The following HECTD4 variants were observed in gnomAD, a reference collection of about 807,000 sequenced individuals.
HECTD4 encodes probable E3 ubiquitin-protein ligase HECTD4.
In HECTD4, 114 loss-of-function variants were observed where a neutral mutation model predicts 471.5. The observed-to-expected ratio is 0.24, with a 90% confidence interval of 0.21 to 0.28. HECTD4 has a LOEUF of 0.28. HECTD4 is among the 10% of genes least tolerant of loss of function. The probability of loss-of-function intolerance (pLI) is 1.00; values close to 1 mark genes in which losing one functional copy is unlikely to be tolerated. For synonymous variants in HECTD4, 2,012 were observed against 2,256.0 expected (o/e 0.89, Z 3.07); for missense variants, 3,866 against 5,651.5 (o/e 0.68, Z 10.13).
intron 72 of HECTD4, among the ~76,000 whole-genome samples, chr12:112,165,633 G>A (rs183466185): frequency 3.9e-5 from 6 of 152,312 alleles, no homozygotes; most frequent in Admixed American, 2.0e-4. Context: ...TTACAGGCGT[G>A]AGCCACCGCG....
At chr12:112,367,836 A>AC (rs2036595882) in intron 1 of HECTD4, among the ~76,000 whole-genome samples, 1 of 149,700 alleles carries the variant, frequency 6.7e-6, no homozygotes, top group Non-Finnish European at 1.5e-5. Flanking sequence ...AAAAAAAAAA[A>AC]AAAAAAAAAA....
intron 2 of HECTD4, among the ~76,000 whole-genome samples, chr12:112,315,583 T>G (rs898175492): frequency 6.6e-6 from 1 of 152,224 alleles, no homozygotes; most frequent in African/African-American, 2.4e-5. Flanking sequence ...TATGGATTTT[T>G]GCTTCTTCAT....
Position 112,319,053 on chromosome 12 carries a change from T to C in HECTD4, c.695+172A>G, listed in dbSNP as rs1470211882. Among the ~76,000 whole-genome samples the C allele has an allele frequency of 6.6e-6, 1 of 152,158 alleles. No homozygotes were observed. The highest frequency in any genetic ancestry group is 1.5e-5 in the Non-Finnish European group (1 of 68,024). On this transcript the variant is annotated intron_variant, in intron 2 of 75. Transcript: ENST00000682272. The surrounding 1 kb of genome is among the most constrained non-coding windows in gnomAD (Gnocchi z 5.3). The stretch of plus-strand genomic sequence containing the variant: ...TCCAACTCAGGCACCTGGTGCCAAG[T>C]TTGGTGAAAGCATCTCATGCACTGT...
Position 112,193,289 on chromosome 12 carries a change from T to A in HECTD4, c.8956-98A>T. On this transcript the variant is annotated intron_variant, in intron 57 of 75. Transcript: ENST00000682272. This position sits in a 1 kb window ranked among gnomAD's most constrained non-coding sequence, Gnocchi z 5.2. ...TGGCCCAGGAAATCAGCCAAACGAC[T>A]AAATAGCCCTCTGGAAGGAAGCAAG... The A allele has an allele frequency of 1.4e-6, 2 of 1,470,334 alleles. No individual in the cohort carries two copies. Among genetic ancestry groups the A allele is most frequent in the Non-Finnish European group, 1.9e-6 (2 of 1,079,902 alleles). 91.1% of individuals were successfully genotyped at this position (1,470,334 alleles called of 1,614,324 possible). A position where few individuals can be genotyped will look rare whatever the true frequency, so the allele number is the denominator to read the frequency against.
At chr12:112,344,416 C>T (rs1450335789) in intron 1 of HECTD4, among the ~76,000 whole-genome samples, 3 of 152,042 alleles carry the variant, frequency 2.0e-5, no homozygotes, top group African/African-American at 4.8e-5. Context: ...CCTGGTAAAC[C>T]GCCACACTAT....
At chr12:112,210,968 A>C (rs1219827712) in intron 49 of HECTD4, among the ~76,000 whole-genome samples, 1 of 152,254 alleles carries the variant, frequency 6.6e-6, no homozygotes, top group Non-Finnish European at 1.5e-5. Context: ...GGCATCATTA[A>C]TTCACTCAAC....
At chr12:112,272,925 C>G (rs535538267) in intron 11 of HECTD4, among the ~76,000 whole-genome samples, 23 of 152,338 alleles carry the variant, frequency 1.5e-4, no homozygotes, top group African/African-American at 5.1e-4. Flanking sequence ...AATTACTGTG[C>G]TGACCAAGCT....
In HECTD4 at chr12:112,163,534, A is replaced by T; in HGVS notation, c.12897+8T>A. ...CCTCCCCGCCCAGCCTGGCCCTGGG[A>T]TGTCTACCTTGAGGAACTCGAGGTT... On this transcript the variant is annotated splice_region_variant and intron_variant, in intron 74 of 75. Transcript: ENST00000682272. The surrounding 1 kb of genome is among the most constrained non-coding windows in gnomAD (Gnocchi z 8.2). 1 of 1,456,958 alleles carries T rather than the reference A, an allele frequency of 6.9e-7. No homozygotes were observed. Among genetic ancestry groups the T allele is most frequent in the Non-Finnish European group, 9.1e-7 (1 of 1,100,944 alleles). The allele number at this position is 1,456,958 out of a possible 1,614,324, so 90.3% of individuals were successfully genotyped here. A position where few individuals can be genotyped will look rare whatever the true frequency, so the allele number is the denominator to read the frequency against.
intron 1 of HECTD4, among the ~76,000 whole-genome samples, chr12:112,368,584 T>G (rs2036611027): frequency 6.6e-6 from 1 of 152,192 alleles, no homozygotes; most frequent in African/African-American, 2.4e-5. Flanking sequence ...AAATTATATC[T>G]TTAAATCTTA....
At chr12:112,339,163 A>G (rs1387250377) in intron 1 of HECTD4, among the ~76,000 whole-genome samples, 2 of 152,086 alleles carry the variant, frequency 1.3e-5, no homozygotes, top group Admixed American at 1.3e-4. Context: ...TATAATATCA[A>G]AAAGTGGAAA....
At chr12:112,314,840 A>C (rs1453955317) in intron 2 of HECTD4, among the ~76,000 whole-genome samples, 1 of 152,222 alleles carries the variant, frequency 6.6e-6, no homozygotes, top group Non-Finnish European at 1.5e-5. Context: ...GCTCGAGCAC[A>C]AAGAACTTGT....
intron 48 of HECTD4, among the ~76,000 whole-genome samples, chr12:112,214,644 T>C (rs1018637744): frequency 2.0e-5 from 3 of 152,088 alleles, no homozygotes; most frequent in African/African-American, 7.2e-5. Flanking sequence ...CCACAACTGA[T>C]AAAACAACAA....
At chr12:112,329,890 T>C (rs1041381178) in intron 1 of HECTD4, among the ~76,000 whole-genome samples, 3 of 152,102 alleles carry the variant, frequency 2.0e-5, no homozygotes, top group East Asian at 1.9e-4. Flanking sequence ...GTAGGATCGA[T>C]TGCTTGAGCC....
intron 43 of HECTD4, 90 bp from the exon 44 acceptor site, chr12:112,226,848 C>A: frequency 1.1e-6 from 1 of 938,536 alleles, no homozygotes; most frequent in South Asian, 1.8e-5. Flanking sequence ...ATCAATTTTG[C>A]CCCCCAGTTT....
At position 112,164,176 on chromosome 12, in the gene HECTD4, A is replaced by C. The variant is rs753815884; in HGVS notation, c.12634T>G (p.Phe4212Val). 6.2e-7 allele frequency: 1 copy of C among 1,613,642 alleles called. No homozygotes were observed. Among genetic ancestry groups the C allele is most frequent in the Non-Finnish European group, 8.5e-7 (1 of 1,179,832 alleles). ...PDSPNKPCCR[F>V]TYLTMTGEEV... ...TCGCCCGTCATGGTCAGGTAGGTGA[A>C]CCTGCAGCAGGGCTTGTTGGGGCTG... The change falls in exon 73 of 76, where the codon TTC (phenylalanine) becomes GTC (valine). Residue 4212 changes from phenylalanine to valine, a missense_variant. Coordinates refer to ENST00000682272, the MANE Select transcript of HECTD4 (RefSeq NM_001388303.1).
chr12:112,212,788 G>GTTATTTAT lies in HECTD4; in HGVS notation c.7466-146_7466-139dup, dbSNP rs150125929. ...CTTCTGAAATGGACATGAAGTTATT[G>GTTATTTAT]TTATTTATTTATTTATTTATTTATT... is the stretch of plus-strand genomic sequence containing the variant. On this transcript the variant is annotated intron_variant, in intron 48 of 75. Transcript: ENST00000682272. 1.7e-4 allele frequency: 101 copies of GTTATTTAT among 610,632 alleles called. 2 individuals carry two copies. In the Middle Eastern group the frequency reaches 1.8e-3, roughly 11 times the overall value. 37.8% of individuals were successfully genotyped at this position (610,632 alleles called of 1,614,324 possible).
intron 66 of HECTD4, among the ~76,000 whole-genome samples, chr12:112,175,211 A>G (rs1360377200): frequency 1.3e-5 from 2 of 152,352 alleles, no homozygotes; most frequent in Non-Finnish European, 2.9e-5. Flanking sequence ...GTGTGACTAC[A>G]TTTGGAGACA....
rs759752448 is a variant in HECTD4 at position 112,306,107 on chromosome 12, G to A, written c.1292C>T (p.Thr431Ile). 3.7e-6 allele frequency: 6 copies of A among 1,612,610 alleles called. No homozygotes were observed. In the African/African-American group the frequency reaches 6.7e-5, roughly 18 times the overall value. Residue 431 changes from threonine (T) to isoleucine (I), a missense_variant, in exon 7 of 76, where the codon ACA becomes ATA. Coordinates refer to ENST00000682272, the MANE Select transcript of HECTD4 (RefSeq NM_001388303.1). Reference protein sequence around the residue: ...IWSPASLNEKTPKGHSVFMDI... With the variant: ...IWSPASLNEKIPKGHSVFMDI... ...CATGAAGACAGAATGTCCCTTCGGT[G>A]TTTTCTCATTCAGGCTGGCAGGAGA...
chr12:112,334,732 C>A (rs1390789698), intron 1 of HECTD4, among the ~76,000 whole-genome samples: 1 of 148,454 alleles, frequency 6.7e-6, no homozygotes. Flanking sequence ...ATTGCTTGAA[C>A]CTGGGAGGGA....
Sources: allele counts gnomAD v4.1 joint callset (sites outside exome capture counted in the v4.1 genomes callset), GRCh38; gene constraint gnomAD v4.1.1; non-coding constraint Gnocchi (gnomAD v3.1); transcripts MANE v1.5; gene names NCBI Gene and HGNC (gene_info 2026-07-23, HGNC 2026-07-21).